SHISAL1: variants seen among roughly 807,000 people sequenced by gnomAD.
SHISAL1 encodes the protein protein shisa-like-1.
Under a neutral mutation model 22.6 loss-of-function variants are expected in SHISAL1, and 9 were observed. That is an observed-to-expected ratio of 0.40 (90% confidence interval 0.24 to 0.70). The LOEUF is 0.70. SHISAL1 is among the 30% of genes least tolerant of loss of function. The pLI is 0.39. For missense variants in SHISAL1, 246 were observed against 270.6 expected, an observed-to-expected ratio of 0.91 and a Z score of 0.64; for synonymous variants, 119 against 115.4, an observed-to-expected ratio of 1.03 and a Z score of -0.20.
chr22:44,325,922 C>T, the SHISAL1 span, among the ~76,000 whole-genome samples: 1 of 151,812 alleles, frequency 6.6e-6, no homozygotes, highest in Non-Finnish European at 1.5e-5. Flanking sequence ...CCGAAATTTA[C>T]TTCTACCAGG....
intron 3 of SHISAL1, 81 bp from the exon 4 acceptor site, chr22:44,285,826 A>C: frequency 1.7e-6 from 2 of 1,203,572 alleles, no homozygotes; most frequent in Non-Finnish European, 2.4e-6. Flanking sequence ...GGCTGATTAG[A>C]GAATGTGTCC....
intron 1 of SHISAL1, among the ~76,000 whole-genome samples, chr22:44,301,758 G>A (rs892409561): frequency 6.6e-6 from 1 of 152,182 alleles, no homozygotes; most frequent in African/African-American, 2.4e-5. Context: ...GCTACAGCAG[G>A]GGGATCCCAG....
intron 4 of SHISAL1, among the ~76,000 whole-genome samples, chr22:44,278,209 C>T (rs546914875): frequency 7.2e-4 from 110 of 152,176 alleles, no homozygotes; most frequent in Non-Finnish European, 1.4e-3. Flanking sequence ...GCCTAGCCTC[C>T]CAGCCTCCAT....
intron 4 of SHISAL1, among the ~76,000 whole-genome samples, chr22:44,267,390 C>T (rs572994868): frequency 6.6e-6 from 1 of 151,484 alleles, no homozygotes; most frequent in South Asian, 2.1e-4. Context: ...AGACATCCTC[C>T]TTGGACCCCC....
intron 1 of SHISAL1, among the ~76,000 whole-genome samples, chr22:44,304,057 G>T (rs1035899463): frequency 2.0e-5 from 3 of 152,196 alleles, no homozygotes; most frequent in East Asian, 3.9e-4. Flanking sequence ...AAAGAAACAA[G>T]CCCCTCTGCA....
rs1400767097 is a variant in SHISAL1, at chr22:44,268,293, G to A, written c.599+17135C>T. On this transcript the variant is annotated intron_variant, in intron 4 of 4. Transcript: ENST00000381176. ...CTGTCCATAACTCCTCCTGCCTCCCGCTCTACGAAAATAAAGACTCTTTCT... is the reference window on the plus strand; with the variant it reads ...CTGTCCATAACTCCTCCTGCCTCCCACTCTACGAAAATAAAGACTCTTTCT... Among the ~76,000 whole-genome samples, 7 of 152,056 alleles carry A rather than the reference G, an allele frequency of 4.6e-5. 1 individual carries two copies. The highest frequency in any genetic ancestry group is 6.6e-5 in the Admixed American group (1 of 15,266).
At chr22:44,327,240 GCACACACACACACACACACA>G in the SHISAL1 span, among the ~76,000 whole-genome samples, 4 of 145,012 alleles carry the variant, frequency 2.8e-5, no homozygotes, top group Admixed American at 6.9e-5. Context: ...TGGGGGGCGC[GCACACACACACACACACACA>G]CACACACACA....
At chr22:44,326,337 C>CTGGACT in the SHISAL1 span, among the ~76,000 whole-genome samples, 3 of 152,258 alleles carry the variant, frequency 2.0e-5, no homozygotes, top group Admixed American at 2.0e-4. Context: ...GAATCTGGCA[C>CTGGACT]GGGAGACAAA....
chr22:44,271,594 G>A (rs1463976298), intron 4 of SHISAL1, among the ~76,000 whole-genome samples: 1 of 152,208 alleles, frequency 6.6e-6, no homozygotes, highest in Non-Finnish European at 1.5e-5. Flanking sequence ...TAAGACCAGG[G>A]TTTTAATAGC....
the SHISAL1 span, among the ~76,000 whole-genome samples, chr22:44,324,004 G>T: frequency 2.0e-5 from 3 of 152,196 alleles, no homozygotes; most frequent in African/African-American, 7.2e-5. Flanking sequence ...GCTCAGAGAG[G>T]TGCTGTAATT....
At chr22:44,328,416 T>C in the SHISAL1 span, among the ~76,000 whole-genome samples, 2 of 152,180 alleles carry the variant, frequency 1.3e-5, no homozygotes, top group Non-Finnish European at 2.9e-5. Flanking sequence ...GCATGGTACC[T>C]GGCTCGGGGC....
chr22:44,277,267 C>T (rs1396083451), intron 4 of SHISAL1, among the ~76,000 whole-genome samples: 1 of 152,104 alleles, frequency 6.6e-6, no homozygotes. Flanking sequence ...GGCCTTTCCG[C>T]GTTTCCTCTC....
intron 3 of SHISAL1, among the ~76,000 whole-genome samples, chr22:44,294,801 T>TTGTTAA (rs2055374771): frequency 6.6e-6 from 1 of 152,144 alleles, no homozygotes; most frequent in Non-Finnish European, 1.5e-5. Context: ...TATCTCAAAA[T>TTGTTAA]CATTGCTTTT....
At chr22:44,283,792 G>A (rs2055292700) in intron 4 of SHISAL1, among the ~76,000 whole-genome samples, 1 of 152,228 alleles carries the variant, frequency 6.6e-6, no homozygotes, top group Admixed American at 6.5e-5. Context: ...CTCCTGAGCT[G>A]TAGTGCCTAT....
the SHISAL1 span, among the ~76,000 whole-genome samples, chr22:44,329,795 A>C: frequency 6.6e-6 from 1 of 152,144 alleles, no homozygotes; most frequent in Non-Finnish European, 1.5e-5. Context: ...ACCGGCATGG[A>C]GATTGTACTG....
the SHISAL1 span, among the ~76,000 whole-genome samples, chr22:44,320,350 C>G: frequency 6.6e-6 from 1 of 152,172 alleles, no homozygotes; most frequent in Non-Finnish European, 1.5e-5. Context: ...TATTGCCAGC[C>G]CAGAACTGGG....
chr22:44,290,539 A>AAAAAACAAAAAC (rs1404124366), intron 3 of SHISAL1, among the ~76,000 whole-genome samples: 3 of 148,022 alleles, frequency 2.0e-5, no homozygotes, highest in African/African-American at 7.9e-5. Flanking sequence ...CAAAAAAAAA[A>AAAAAACAAAAAC]AAAAACAAAA....
intron 4 of SHISAL1, among the ~76,000 whole-genome samples, chr22:44,252,080 A>G (rs1454845518): frequency 6.6e-6 from 1 of 152,252 alleles, no homozygotes; most frequent in African/African-American, 2.4e-5. Flanking sequence ...CAGCCAATCT[A>G]AAGATTATGA....
At position 44,302,883 on chromosome 22, in the gene SHISAL1, G is replaced by A. The variant is rs1254014263; in HGVS notation, c.-32-1906C>T. ...GGGGCAAAGGCCCTGGGGTGGGTGC[G>A]GTGAGGAGGCAGCAGGGGCAAAGGC... is the stretch of plus-strand genomic sequence containing the variant. On this transcript the variant is annotated intron_variant, in intron 1 of 4. Transcript: ENST00000381176. Among the ~76,000 whole-genome samples the A allele has an allele frequency of 1.0e-3, 125 of 122,778 alleles. 1 individual carries two copies. The highest frequency in any genetic ancestry group is 1.5e-3 in the Non-Finnish European group (89 of 59,746). 80.5% of individuals were successfully genotyped at this position (122,778 alleles called of 152,430 possible).
Sources: allele counts gnomAD v4.1 joint callset (sites outside exome capture counted in the v4.1 genomes callset), GRCh38; gene constraint gnomAD v4.1.1; transcripts MANE v1.5; gene names NCBI Gene and HGNC (gene_info 2026-07-23, HGNC 2026-07-21).